Variants in ADCK1 observed in about 807,000 individuals in gnomAD.
The protein encoded by ADCK1 is aarF domain containing kinase 1, also known as aarF domain-containing protein kinase 1.
ADCK1 carries 41 observed loss-of-function variants against 52.3 expected under a neutral mutation model. That is an observed-to-expected ratio of 0.78 (90% CI 0.61 to 1.02). The LOEUF (loss-of-function observed/expected upper bound fraction) is 1.02, where lower values mean the gene tolerates loss of function less well. Ranked by LOEUF, ADCK1 falls within the 50% of genes least tolerant of loss-of-function variation. The probability of loss-of-function intolerance (pLI) is 0.00; values close to 1 mark genes in which losing one functional copy is unlikely to be tolerated. For missense variants in ADCK1, 658 were observed against 679.5 expected, an observed-to-expected ratio of 0.97 and a Z score of 0.35; for synonymous variants, 250 against 274.6, an observed-to-expected ratio of 0.91 and a Z score of 0.89.
chr14:77,900,921 G>A (rs1345846323), intron 6 of ADCK1, among the ~76,000 whole-genome samples: 2 of 152,138 alleles, frequency 1.3e-5, no homozygotes, highest in Admixed American at 6.5e-5. Flanking sequence ...ATATGAAGTC[G>A]CAGCTGTCAG....
intron 3 of ADCK1, among the ~76,000 whole-genome samples, chr14:77,843,046 C>A (rs1462098969): frequency 2.0e-5 from 3 of 151,974 alleles, no homozygotes; most frequent in Admixed American, 6.6e-5. Flanking sequence ...TGTGCCACTA[C>A]TCCTAACTAA....
At chr14:77,814,265 G>A (rs12590356) in intron 1 of ADCK1, among the ~76,000 whole-genome samples, 80,602 of 150,842 alleles carry the variant, frequency 0.53, 23,095 homozygotes, top group Middle Eastern at 0.66. Flanking sequence ...TTTTTGTAGC[G>A]ATGGGGTTTC....
chr14:77,878,363 G>C (rs1032199080), intron 4 of ADCK1, among the ~76,000 whole-genome samples: 1 of 152,218 alleles, frequency 6.6e-6, no homozygotes, highest in Non-Finnish European at 1.5e-5. Flanking sequence ...ATTTTGAAGG[G>C]ACCAGACCTT....
chr14:77,835,888 G>A (rs559119236), intron 3 of ADCK1, among the ~76,000 whole-genome samples: 2 of 152,238 alleles, frequency 1.3e-5, no homozygotes, highest in Non-Finnish European at 2.9e-5. Flanking sequence ...CCCCTGCTTC[G>A]GCCTCCCAAA....
chr14:77,862,968 G>A (rs987758090), intron 4 of ADCK1, among the ~76,000 whole-genome samples: 3 of 152,176 alleles, frequency 2.0e-5, no homozygotes, highest in African/African-American at 7.2e-5. Context: ...TGGAGGAGGT[G>A]GATGTTGGAG....
rs555584046 is a variant in ADCK1 at position 77,881,599 on chromosome 14, T to A, written c.424-5492T>A. ...ACTAAAAAGATTCTGTTAACACCTA[T>A]CAGGGCATGTCACTTCCATGCTTAG... On this transcript the variant is annotated intron_variant, in intron 4 of 10. Transcript: ENST00000238561. Among the ~76,000 whole-genome samples the A allele has an allele frequency of 2.6e-5, 4 of 152,350 alleles. No individual in the cohort carries two copies. The South Asian group carries it at 8.3e-4, about 32-fold the overall frequency.
intron 4 of ADCK1, among the ~76,000 whole-genome samples, chr14:77,870,104 T>C (rs1372004552): frequency 1.3e-5 from 2 of 152,258 alleles, no homozygotes; most frequent in Non-Finnish European, 2.9e-5. Context: ...TGGTACTTGT[T>C]ATGTAGTGTG....
intron 7 of ADCK1, among the ~76,000 whole-genome samples, chr14:77,912,658 C>T (rs2083822358): frequency 6.6e-6 from 1 of 152,082 alleles, no homozygotes; most frequent in Non-Finnish European, 1.5e-5. Flanking sequence ...GGGCGAAAGT[C>T]TTACTCTGAA....
chr14:77,894,438 A>T (rs1291092580), intron 5 of ADCK1, among the ~76,000 whole-genome samples: 2 of 152,180 alleles, frequency 1.3e-5, no homozygotes, highest in Non-Finnish European at 2.9e-5. Context: ...CAGTTTACAA[A>T]GCTCCTCTGC....
intron 3 of ADCK1, among the ~76,000 whole-genome samples, chr14:77,833,329 G>A (rs1037780333): frequency 6.6e-6 from 1 of 152,330 alleles, no homozygotes; most frequent in Admixed American, 6.5e-5. Context: ...GAGTTTTCAA[G>A]CACTGTGCGT....
chr14:77,891,976 G>A (rs7146020), intron 5 of ADCK1, among the ~76,000 whole-genome samples: 130,306 of 152,246 alleles, frequency 0.86, 55,975 homozygotes, highest in Middle Eastern at 0.94. Context: ...GGCTTGAAGA[G>A]TGATTTCTAG....
chr14:77,925,353 G>A (rs901085875), intron 8 of ADCK1, among the ~76,000 whole-genome samples: 1 of 152,230 alleles, frequency 6.6e-6, no homozygotes, highest in African/African-American at 2.4e-5. Flanking sequence ...CACCAGAGGT[G>A]ATGGTGCTGG....
chr14:77,836,365 A>G (rs1477176092), intron 3 of ADCK1, among the ~76,000 whole-genome samples: 2 of 152,198 alleles, frequency 1.3e-5, no homozygotes, highest in East Asian at 3.8e-4. Flanking sequence ...CTTCTGCTGC[A>G]CTGTACTTAG....
intron 3 of ADCK1, among the ~76,000 whole-genome samples, chr14:77,826,174 TGGGA>T (rs1386875443): frequency 6.6e-6 from 1 of 152,152 alleles, no homozygotes; most frequent in Non-Finnish European, 1.5e-5. Context: ...GGCCCGTCTC[TGGGA>T]GTTGTGCCTG....
intron 2 of ADCK1, among the ~76,000 whole-genome samples, chr14:77,820,536 T>C (rs1028733438): frequency 2.6e-5 from 4 of 151,762 alleles, no homozygotes; most frequent in African/African-American, 9.7e-5. Flanking sequence ...TTCGCTATGT[T>C]GCCCAGGATT....
intron 3 of ADCK1, among the ~76,000 whole-genome samples, chr14:77,825,874 AGCTAACCGGT>A (rs2081690688): frequency 1.3e-5 from 2 of 152,084 alleles, no homozygotes; most frequent in Non-Finnish European, 2.9e-5. Context: ...CTCTTTCTCC[AGCTAACCGGT>A]GCTATGGGCC....
At chr14:77,924,627 C>G in intron 8 of ADCK1, 21 bp downstream of exon 8, 1 of 1,610,712 alleles carries the variant, frequency 6.2e-7, no homozygotes, top group Non-Finnish European at 8.5e-7. Context: ...CCTTTGTTAC[C>G]CAGCCCTGGG....
At chr14:77,836,669 ACC>A (rs1447977507) in intron 3 of ADCK1, among the ~76,000 whole-genome samples, 2 of 151,652 alleles carry the variant, frequency 1.3e-5, no homozygotes, top group African/African-American at 4.9e-5. Context: ...CTAGGGAAGA[ACC>A]CTTCCTTGCC....
chr14:77,820,508 T>G (rs2081557304), intron 2 of ADCK1, among the ~76,000 whole-genome samples: 1 of 151,766 alleles, frequency 6.6e-6, no homozygotes, highest in African/African-American at 2.4e-5. Context: ...TTTCTCTATT[T>G]TTTTGTAGAG....
Sources: allele counts gnomAD v4.1 joint callset (sites outside exome capture counted in the v4.1 genomes callset), GRCh38; gene constraint gnomAD v4.1.1; transcripts MANE v1.5; gene names NCBI Gene and HGNC (gene_info 2026-07-23, HGNC 2026-07-21).